FAM168A: variants seen among roughly 807,000 people sequenced by gnomAD.
The protein encoded by FAM168A is family with sequence similarity 168 member A, also known as protein FAM168A.
In FAM168A, 3 loss-of-function variants were observed where a neutral mutation model predicts 28.5. The ratio of observed to expected loss-of-function variants is 0.11; its 90% CI spans 0.05 to 0.27. FAM168A has a LOEUF of 0.27. Ranked by LOEUF, FAM168A falls within the 10% of genes least tolerant of loss-of-function variation. FAM168A has a pLI of 1.00. For synonymous variants in FAM168A, 122 were observed against 124.2 expected, an observed-to-expected ratio of 0.98 and a Z score of 0.12; for missense variants, 222 against 311.5, an observed-to-expected ratio of 0.71 and a Z score of 2.16.
At chr11:73,566,702 T>G (rs943863703) in intron 1 of FAM168A, among the ~76,000 whole-genome samples, 1 of 152,240 alleles carries the variant, frequency 6.6e-6, no homozygotes, top group South Asian at 2.1e-4. Flanking sequence ...ACTCTACTCA[T>G]TCAAGCAATT....
intron 1 of FAM168A, among the ~76,000 whole-genome samples, chr11:73,509,385 C>A (rs1023209843): frequency 1.3e-5 from 2 of 152,196 alleles, no homozygotes; most frequent in African/African-American, 4.8e-5. Context: ...GTGGGAGTCA[C>A]TAAGTAAATC....
At chr11:73,477,704 C>G (rs916618353) in intron 1 of FAM168A, among the ~76,000 whole-genome samples, 4 of 152,212 alleles carry the variant, frequency 2.6e-5, no homozygotes, top group African/African-American at 9.6e-5. Context: ...AACAAAAAAC[C>G]TGTCAACCAA....
chr11:73,492,160 G>A (rs948205449), intron 1 of FAM168A, among the ~76,000 whole-genome samples: 10 of 152,246 alleles, frequency 6.6e-5, no homozygotes, highest in Admixed American at 1.3e-4. Context: ...CAAGCCCAAT[G>A]TTCCTCCCAT....
chr11:73,496,907 G>GCA lies in FAM168A; in HGVS notation c.-18-28417_-18-28416dup, dbSNP rs1261773386. 1.4e-3 allele frequency among the ~76,000 whole-genome samples: 167 copies of GCA among 116,714 alleles called. 1 individual carries two copies. Among genetic ancestry groups the GCA allele is most frequent in the African/African-American group, 7.6e-3 (159 of 21,016 alleles). The allele number at this position is 116,714 out of a possible 152,430, so 76.6% of individuals were successfully genotyped here. The stretch of plus-strand genomic sequence containing the variant: ...CACACACACACACACACACACACAC[G>GCA]CACACACACGCACACACACACACAG... On this transcript the variant is annotated intron_variant, in intron 1 of 7. Coordinates refer to ENST00000356467, the MANE Select transcript of FAM168A (RefSeq NM_015159.3).
chr11:73,578,463 A>C (rs1944203039), intron 1 of FAM168A, among the ~76,000 whole-genome samples: 2 of 152,154 alleles, frequency 1.3e-5, no homozygotes, highest in South Asian at 4.1e-4. Flanking sequence ...TACTTCAATG[A>C]AGCTGTTTAG....
At chr11:73,423,392 C>A (rs1328668164) in intron 3 of FAM168A, among the ~76,000 whole-genome samples, 1 of 152,208 alleles carries the variant, frequency 6.6e-6, no homozygotes, top group Non-Finnish European at 1.5e-5. Context: ...TCCACTGACT[C>A]TAAGCTAAAG....
At chr11:73,594,682 G>A (rs936037245) in intron 1 of FAM168A, among the ~76,000 whole-genome samples, 2 of 152,032 alleles carry the variant, frequency 1.3e-5, no homozygotes, top group Admixed American at 6.6e-5. Context: ...TTACAGGCAC[G>A]TGCTACCAGC....
At chr11:73,489,498 C>G (rs1004306482) in intron 1 of FAM168A, among the ~76,000 whole-genome samples, 1 of 150,872 alleles carries the variant, frequency 6.6e-6, no homozygotes, top group Non-Finnish European at 1.5e-5. Flanking sequence ...CTCCCCCACA[C>G]CCCATCCCCC....
chr11:73,580,145 A>G, intron 1 of FAM168A: 2 of 358,150 alleles, frequency 5.6e-6, no homozygotes, highest in Non-Finnish European at 1.1e-5. Flanking sequence ...GTAAAAAACA[A>G]AAACCAGAAG....
chr11:73,531,992 T>C (rs2464345), intron 1 of FAM168A, among the ~76,000 whole-genome samples: 1 of 148,276 alleles, frequency 6.7e-6, no homozygotes, highest in Non-Finnish European at 1.5e-5. Flanking sequence ...TTTTTTTTTT[T>C]GGTAGAGAAA....
chr11:73,429,254 C>T (rs1203605797), intron 3 of FAM168A, among the ~76,000 whole-genome samples: 1 of 152,030 alleles, frequency 6.6e-6, no homozygotes, highest in East Asian at 1.9e-4. Flanking sequence ...AAGCATAGGA[C>T]GAGAGTCAGG....
chr11:73,429,480 GTA>G (rs1263740224), intron 3 of FAM168A, among the ~76,000 whole-genome samples: 1 of 152,194 alleles, frequency 6.6e-6, no homozygotes, highest in Non-Finnish European at 1.5e-5. Context: ...GTCAGCCCTT[GTA>G]TATCTATAGT....
At chr11:73,450,895 A>G (rs2134546652) in intron 2 of FAM168A, among the ~76,000 whole-genome samples, 1 of 152,322 alleles carries the variant, frequency 6.6e-6, no homozygotes, top group East Asian at 1.9e-4. Flanking sequence ...AGGTTCTCTA[A>G]TCTCCCAAAG....
intron 1 of FAM168A, among the ~76,000 whole-genome samples, chr11:73,527,316 C>T (rs942543791): frequency 6.6e-6 from 1 of 152,096 alleles, no homozygotes; most frequent in African/African-American, 2.4e-5. Flanking sequence ...GACAAGAGCA[C>T]CCCACTGAAA....
At position 73,546,378 on chromosome 11, in the gene FAM168A, C is replaced by T. The variant is rs1258696757; in HGVS notation, c.-19+51545G>A. 2.0e-5 allele frequency among the ~76,000 whole-genome samples: 3 copies of T among 152,198 alleles called. No individual in the cohort carries two copies. The East Asian group carries it at 5.8e-4, about 29-fold the overall frequency. On this transcript the variant is annotated intron_variant, in intron 1 of 7. Coordinates refer to ENST00000356467, the MANE Select transcript of FAM168A (RefSeq NM_015159.3). The stretch of plus-strand genomic sequence containing the variant: ...GCACCTTGGACTAATTTACAACTGA[C>T]TAACCAATTTTGAAATAAGACAGCT...
Position 73,460,170 on chromosome 11 carries a change from G to A in FAM168A, c.70+8235C>T, listed in dbSNP as rs142864219. Among the ~76,000 whole-genome samples the A allele has an allele frequency of 6.9e-3, 1,053 of 152,020 alleles. 10 individuals are homozygous for A. Among genetic ancestry groups the A allele is most frequent in the African/African-American group, 0.022 (919 of 41,452 alleles). Reference sequence around the variant, plus strand: ...GCTGGGATTACAGGCGTGAGCCACCGCACCCGGCCTCCAAATGAAATTTTT... The same window carrying A: ...GCTGGGATTACAGGCGTGAGCCACCACACCCGGCCTCCAAATGAAATTTTT... On this transcript the variant is annotated intron_variant, in intron 2 of 7. Coordinates refer to ENST00000356467, the MANE Select transcript of FAM168A (RefSeq NM_015159.3).
chr11:73,524,886 C>T (rs190718740), intron 1 of FAM168A, among the ~76,000 whole-genome samples: 33 of 152,298 alleles, frequency 2.2e-4, no homozygotes, highest in Admixed American at 1.6e-3. Context: ...AGGCAAGAGC[C>T]GCTGCATCCA....
chr11:73,589,278 G>GA (rs570914584), intron 1 of FAM168A, among the ~76,000 whole-genome samples: 1 of 151,706 alleles, frequency 6.6e-6, no homozygotes, highest in Non-Finnish European at 1.5e-5. Flanking sequence ...AAATAATAAA[G>GA]AAAAAAACAG....
intron 1 of FAM168A, among the ~76,000 whole-genome samples, chr11:73,499,452 C>T (rs992268327): frequency 6.6e-6 from 1 of 150,448 alleles, no homozygotes; most frequent in African/African-American, 2.4e-5. Context: ...CCCAAAAGAC[C>T]AGAGTGCCTC....
Sources: gnomAD v4.1 joint callset for allele counts (sites outside exome capture counted in the v4.1 genomes callset) on GRCh38, gnomAD v4.1.1 for gene constraint, MANE v1.5 for transcripts, NCBI Gene and HGNC (gene_info 2026-07-23, HGNC 2026-07-21) for gene names.